Variants in SOX5 observed in about 807,000 individuals in gnomAD.
The protein encoded by SOX5 is transcription factor SOX-5.
Under a neutral mutation model 92.0 loss-of-function variants are expected in SOX5, and 9 were observed. The observed-to-expected ratio is 0.10, with a 90% CI of 0.06 to 0.17. The LOEUF is 0.17. Ranked by LOEUF, SOX5 falls within the 10% of genes least tolerant of loss-of-function variation. SOX5 has a pLI of 1.00. For synonymous variants in SOX5, 344 were observed against 336.3 expected (o/e 1.02, Z -0.25); for missense variants, 642 against 944.5 (o/e 0.68, Z 4.20).
chr12:24,222,962 G>A (rs987416570), intron 3 of SOX5, among the ~76,000 whole-genome samples: 8 of 152,160 alleles, frequency 5.3e-5, no homozygotes, highest in Non-Finnish European at 8.8e-5. Flanking sequence ...TGATACAACT[G>A]TCCGGCACCC....
chr12:24,326,134 T>C (rs1950655954), intron 2 of SOX5, among the ~76,000 whole-genome samples: 1 of 152,190 alleles, frequency 6.6e-6, no homozygotes, highest in African/African-American at 2.4e-5. Context: ...GTACAGCATC[T>C]GGCACAGAGT....
chr12:23,980,909 T>C (rs1949514590), intron 4 of SOX5, among the ~76,000 whole-genome samples: 1 of 152,168 alleles, frequency 6.6e-6, no homozygotes, highest in African/African-American at 2.4e-5. Flanking sequence ...CAGCATGTAA[T>C]ATAGAAGATC....
chr12:24,005,695 A>G (rs1321426649), intron 4 of SOX5, among the ~76,000 whole-genome samples: 2 of 152,200 alleles, frequency 1.3e-5, no homozygotes, highest in African/African-American at 4.8e-5. Flanking sequence ...GTGCTCTAGA[A>G]TATTTGGCAC....
At chr12:24,247,825 T>TG (rs1939182733) in intron 3 of SOX5, among the ~76,000 whole-genome samples, 1 of 151,850 alleles carries the variant, frequency 6.6e-6, no homozygotes, top group Non-Finnish European at 1.5e-5. Flanking sequence ...TAATTTTTTT[T>TG]GTATTTTTAG....
chr12:23,934,649 T>A (rs1286548671), intron 1 of SOX5, among the ~76,000 whole-genome samples: 1 of 151,162 alleles, frequency 6.6e-6, no homozygotes. Context: ...CATCCATAGG[T>A]AGTTCAATGT....
rs114965282 is a variant in SOX5 at position 23,785,157 on chromosome 12, T to C, written c.482-29433A>G. Reference sequence around the variant, plus strand: ...TTTGAGAAAGATCACAACTGACAAGTGTTCTTGATGCAATTTATTTACCAT... The same window carrying C: ...TTTGAGAAAGATCACAACTGACAAGCGTTCTTGATGCAATTTATTTACCAT... On this transcript the variant is annotated intron_variant, in intron 3 of 14. Transcript: ENST00000451604. Among the ~76,000 whole-genome samples the C allele has an allele frequency of 9.5e-3, 1,442 of 152,306 alleles. 27 individuals carry two copies. Among genetic ancestry groups the C allele is most frequent in the African/African-American group, 0.033 (1,372 of 41,574 alleles).
chr12:23,678,876 T>C lies in SOX5; in HGVS notation c.811-13312A>G, dbSNP rs141234086. Among the ~76,000 whole-genome samples the C allele has an allele frequency of 2.9e-3, 445 of 152,158 alleles. 1 individual carries two copies. The highest frequency in any genetic ancestry group is 0.01 in the African/African-American group (421 of 41,532). ...AAAGGATAAAATACTTATAAATAAA[T>C]CTTACGTATCAAAATAAATTATAAT... On this transcript the variant is annotated intron_variant, in intron 6 of 14. Transcript: ENST00000451604.
chr12:24,241,492 G>A (rs1014753528), intron 3 of SOX5, among the ~76,000 whole-genome samples: 1 of 152,084 alleles, frequency 6.6e-6, no homozygotes, highest in East Asian at 1.9e-4. Context: ...CAGAACTAAG[G>A]TTCACACCCA....
intron 4 of SOX5, among the ~76,000 whole-genome samples, chr12:24,208,954 A>G (rs1958303529): frequency 6.6e-6 from 1 of 152,250 alleles, no homozygotes; most frequent in African/African-American, 2.4e-5. Flanking sequence ...ATTTGGCATG[A>G]CAGAAGCGGA....
rs1279338430 is a variant in SOX5 at position 23,970,826 on chromosome 12, T to TTATATATATATATATATATA, written c.-1-74803_-1-74802insTATATATATATATATATATA. ...TGGAATTGCTAGGTCACATGGGACT[T>TTATATATATATATATATATA]TATATATATATATAATTTTTTTTTT... On this transcript the variant is annotated intron_variant, in intron 4 of 4. Transcript: ENST00000446891. Among the ~76,000 whole-genome samples the TTATATATATATATATATATA allele has an allele frequency of 1.6e-4, 4 of 25,788 alleles. 1 individual carries two copies. The highest frequency in any genetic ancestry group is 5.0e-3 in the South Asian group (2 of 404). The allele number at this position is 25,788 out of a possible 152,430, so 16.9% of individuals were successfully genotyped here.
intron 1 of SOX5, among the ~76,000 whole-genome samples, chr12:24,378,890 CG>C (rs1187606655): frequency 6.6e-6 from 1 of 152,202 alleles, no homozygotes; most frequent in Non-Finnish European, 1.5e-5. Context: ...ATGGCCCCAC[CG>C]GGCCAGCCAT....
Position 23,530,016 on chromosome 12 carries a change from C to G in SOX5, c.*4203G>C, listed in dbSNP as rs899922982. The G allele has an allele frequency of 3.3e-5, 5 of 152,190 alleles. No individual in the cohort carries two copies. The highest frequency in any genetic ancestry group is 1.2e-4 in the African/African-American group (5 of 41,450). 9.4% of individuals were successfully genotyped at this position (152,190 alleles called of 1,614,324 possible). On this transcript the variant is annotated 3_prime_UTR_variant, in exon 15 of 15. Transcript: ENST00000451604. ...ATCAATCAATCAGTAGGAAACTCAA[C>G]ACATCGTCTTCAACCTGGGAAGTTG...
chr12:24,362,153 G>C (rs1304312069), intron 2 of SOX5, among the ~76,000 whole-genome samples: 1 of 152,184 alleles, frequency 6.6e-6, no homozygotes, highest in Non-Finnish European at 1.5e-5. Flanking sequence ...CAAATATAGA[G>C]ATATGTGCAT....
At chr12:24,538,749 A>G (rs542497537) in intron 1 of SOX5, among the ~76,000 whole-genome samples, 4 of 152,306 alleles carry the variant, frequency 2.6e-5, no homozygotes, top group African/African-American at 9.6e-5. Context: ...TCAGAATTGT[A>G]TAAACATTAC....
chr12:24,221,313 T>C (rs1284031119), intron 3 of SOX5, among the ~76,000 whole-genome samples: 1 of 152,238 alleles, frequency 6.6e-6, no homozygotes, highest in East Asian at 1.9e-4. Context: ...CTTTCCTATA[T>C]AGCACTTGCC....
At chr12:24,344,281 C>CAAAAA (rs61660537) in intron 2 of SOX5, among the ~76,000 whole-genome samples, 1 of 104,324 alleles carries the variant, frequency 9.6e-6, no homozygotes, top group African/African-American at 3.6e-5. Context: ...GACTCTGTCT[C>CAAAAA]AAAAAAAAAA....
intron 2 of SOX5, among the ~76,000 whole-genome samples, chr12:24,289,146 C>T (rs954689144): frequency 2.6e-5 from 4 of 151,976 alleles, no homozygotes; most frequent in South Asian, 2.1e-4. Flanking sequence ...CCAGTCATGG[C>T]GGCTTGCATC....
chr12:23,531,622 A>G lies in SOX5; in HGVS notation c.*2597T>C, dbSNP rs890803723. 6.6e-6 allele frequency: 1 copy of G among 152,204 alleles called. No homozygotes were observed. The highest frequency in any genetic ancestry group is 2.4e-5 in the African/African-American group (1 of 41,460). 9.4% of individuals were successfully genotyped at this position (152,204 alleles called of 1,614,324 possible). ...AAATTTTTTAAAAATCTGTTTTCAC[A>G]TTGTACATAAAAATGATATAAAAAC... On this transcript the variant is annotated 3_prime_UTR_variant, in exon 15 of 15. Transcript: ENST00000451604.
At chr12:24,215,906 T>A (rs1277545633) in intron 3 of SOX5, among the ~76,000 whole-genome samples, 1 of 152,056 alleles carries the variant, frequency 6.6e-6, no homozygotes, top group African/African-American at 2.4e-5. Context: ...AGGATGCACA[T>A]ATAGATCTAA....
Sources: allele counts gnomAD v4.1 joint callset (sites outside exome capture counted in the v4.1 genomes callset), GRCh38; gene constraint gnomAD v4.1.1; transcripts MANE v1.5; gene names NCBI Gene and HGNC (gene_info 2026-07-23, HGNC 2026-07-21).